BAZ1B: variants seen among roughly 807,000 people sequenced by gnomAD.
BAZ1B encodes bromodomain adjacent to zinc finger domain 1B.
BAZ1B carries 22 observed loss-of-function variants against 153.8 expected under a neutral mutation model. The ratio of observed to expected loss-of-function variants is 0.14; its 90% CI spans 0.10 to 0.20. BAZ1B has a LOEUF of 0.20. BAZ1B is among the 10% of genes least tolerant of loss of function. The probability of loss-of-function intolerance (pLI) is 1.00; values close to 1 mark genes in which losing one functional copy is unlikely to be tolerated. For missense variants in BAZ1B, 1,325 were observed against 1,799.3 expected (o/e 0.74, Z 4.77); for synonymous variants, 676 against 633.4 (o/e 1.07, Z -1.01).
At chr7:73,519,859 T>C (rs184269378) in intron 1 of BAZ1B, among the ~76,000 whole-genome samples, 83 of 152,202 alleles carry the variant, frequency 5.5e-4, no homozygotes, top group Admixed American at 2.6e-3. Flanking sequence ...ATTGGAAAAG[T>C]ATATGTCGGA....
chr7:73,452,974 A>G (rs1310286296), intron 13 of BAZ1B, among the ~76,000 whole-genome samples: 1 of 152,228 alleles, frequency 6.6e-6, no homozygotes, highest in African/African-American at 2.4e-5. Context: ...TTAATTCAAT[A>G]AAACAAAATA....
At chr7:73,446,497 T>C (rs1198273813) in intron 16 of BAZ1B, among the ~76,000 whole-genome samples, 1 of 138,738 alleles carries the variant, frequency 7.2e-6, no homozygotes, top group African/African-American at 2.8e-5. Context: ...ACTGAGGTAA[T>C]CTGAGGTCAT....
At chr7:73,487,637 T>C (rs1033857155) in intron 6 of BAZ1B, among the ~76,000 whole-genome samples, 5 of 152,254 alleles carry the variant, frequency 3.3e-5, no homozygotes, top group African/African-American at 9.6e-5. Context: ...GATGGTTTCA[T>C]GGAGTTCTCA....
intron 4 of BAZ1B, 68 bp from the exon 5 acceptor site, chr7:73,492,989 A>T: frequency 1.3e-6 from 2 of 1,489,092 alleles, no homozygotes; most frequent in Non-Finnish European, 1.8e-6. Context: ...TTCATTAACA[A>T]GTCTTAACTG....
intron 3 of BAZ1B, among the ~76,000 whole-genome samples, chr7:73,506,579 C>T (rs73134961): frequency 0.049 from 7,392 of 151,426 alleles, 208 homozygotes; most frequent in Non-Finnish European, 0.066. Context: ...TGAGGCCGGG[C>T]GCAGTGACTC....
intron 1 of BAZ1B, among the ~76,000 whole-genome samples, chr7:73,516,172 C>G (rs185471830): frequency 1.5e-4 from 22 of 142,682 alleles, no homozygotes; most frequent in Admixed American, 9.5e-4. Context: ...ATGTGGTTTT[C>G]TTTTTTATTA....
chr7:73,443,056 AAGC>A (rs1485773591), intron 17 of BAZ1B, among the ~76,000 whole-genome samples: 6 of 152,180 alleles, frequency 3.9e-5, no homozygotes, highest in African/African-American at 1.4e-4. Context: ...ACGGCAATCA[AAGC>A]AGCAAAGAGC....
intron 6 of BAZ1B, among the ~76,000 whole-genome samples, chr7:73,480,984 T>C (rs1232470742): frequency 1.3e-5 from 2 of 152,144 alleles, no homozygotes; most frequent in South Asian, 2.1e-4. Context: ...CGGAGTGCAG[T>C]AGCGCAATCC....
At chr7:73,481,302 C>A (rs1017355598) in intron 6 of BAZ1B, among the ~76,000 whole-genome samples, 1 of 151,792 alleles carries the variant, frequency 6.6e-6, no homozygotes, top group South Asian at 2.1e-4. Flanking sequence ...CCGAGGCAGG[C>A]GGATCATGAG....
chr7:73,476,825 T>C, intron 7 of BAZ1B, 43 bp downstream of exon 7: 1 of 1,545,010 alleles, frequency 6.5e-7, no homozygotes, highest in Non-Finnish European at 8.7e-7. Context: ...TCTTTTACTA[T>C]CTTCTACAGA....
At position 73,449,586 on chromosome 7, in the gene BAZ1B, G is replaced by A. The variant is rs782661604; in HGVS notation, c.3684C>T (p.Cys1228=). 46 of 1,613,978 alleles carry A rather than the reference G, an allele frequency of 2.9e-5. No homozygotes were observed. Among genetic ancestry groups the A allele is most frequent in the South Asian group, 1.3e-4 (12 of 91,084 alleles). ...TGGCAGTAGCGGGCTGGCAAGCTGG[G>A]CACTGCCACTCACCATCTGGTACTT... ...LYEVPDGEWQ[C]PACQPATARR... is the part of the protein sequence containing the mutation. The change falls in exon 15 of 20, where the codon TGC becomes TGT. Residue 1228 remains cysteine, a synonymous_variant. Transcript: ENST00000339594.
chr7:73,470,487 TTAAAAA>T lies in BAZ1B; in HGVS notation c.2594-10_2594-5del, dbSNP rs781935320. ...TCAGCTTGGCGTTCCAGTTTCACTG[TTAAAAA>T]TAAAAAGACTCAAATCAGATATTTT... On this transcript the variant is annotated splice_region_variant and splice_polypyrimidine_tract_variant and intron_variant, in intron 7 of 19. Transcript: ENST00000339594. 1.3e-5 allele frequency: 21 copies of T among 1,609,900 alleles called. No individual in the cohort carries two copies. Among genetic ancestry groups the T allele is most frequent in the Admixed American group, 1.0e-4 (6 of 58,288 alleles).
At chr7:73,519,713 T>C (rs1197149317) in intron 1 of BAZ1B, among the ~76,000 whole-genome samples, 3 of 152,214 alleles carry the variant, frequency 2.0e-5, no homozygotes, top group African/African-American at 4.8e-5. Context: ...ATTTTTTACA[T>C]AGCTCAGTAC....
Position 73,444,060 on chromosome 7 carries a change from G to C in BAZ1B, c.3914C>G (p.Pro1305Arg). The C allele has an allele frequency of 6.2e-7, 1 of 1,613,646 alleles. No individual in the cohort carries two copies. The highest frequency in any genetic ancestry group is 8.5e-7 in the Non-Finnish European group (1 of 1,179,812). ...IPPAARSGRR[P>R]GKKPHSTRRS... is the part of the protein sequence containing the mutation. ...CCTGGTAGAGTGTGGCTTCTTACCC[G>C]GGCGCCGGCCTGACCTTGCTGCAGG... is the stretch of plus-strand genomic sequence containing the variant. The change falls in exon 17 of 20, where the codon CCG becomes CGG. Residue 1305 changes from proline to arginine, a missense_variant. This residue lies in a region of BAZ1B where 271 missense variants were observed against 337.2 expected (regional missense o/e 0.80). Transcript: ENST00000339594.
intron 13 of BAZ1B, among the ~76,000 whole-genome samples, chr7:73,456,771 G>A (rs868943690): frequency 8.6e-5 from 13 of 151,376 alleles, no homozygotes; most frequent in Non-Finnish European, 1.3e-4. Flanking sequence ...GTGAAACCAC[G>A]TCTCTACTAA....
At chr7:73,515,965 T>C (rs782796917) in intron 1 of BAZ1B, among the ~76,000 whole-genome samples, 2 of 152,016 alleles carry the variant, frequency 1.3e-5, no homozygotes, top group Non-Finnish European at 2.9e-5. Context: ...GCCAACACGG[T>C]GAAACCCCGT....
intron 6 of BAZ1B, among the ~76,000 whole-genome samples, 199 bp from the exon 7 acceptor site, chr7:73,478,768 T>C (rs1170978816): frequency 2.6e-5 from 4 of 152,226 alleles, no homozygotes; most frequent in African/African-American, 4.8e-5. Context: ...CAAAATTCCC[T>C]TGACATCCAG....
chr7:73,457,257 A>G (rs184918887), intron 13 of BAZ1B, among the ~76,000 whole-genome samples: 197 of 152,136 alleles, frequency 1.3e-3, no homozygotes, highest in African/African-American at 4.5e-3. Flanking sequence ...TGCTCACTGT[A>G]GCATCAGCCT....
At chr7:73,468,284 G>A (rs1318641390) in intron 9 of BAZ1B, among the ~76,000 whole-genome samples, 1 of 152,106 alleles carries the variant, frequency 6.6e-6, no homozygotes, top group African/African-American at 2.4e-5. Flanking sequence ...CATGTATCTG[G>A]CAGGATTTAG....
Sources: gnomAD v4.1 joint callset for allele counts (sites outside exome capture counted in the v4.1 genomes callset) on GRCh38, gnomAD v4.1.1 for gene constraint, gnomAD v4.1.1 regional missense constraint, MANE v1.5 for transcripts, NCBI Gene and HGNC (gene_info 2026-07-23, HGNC 2026-07-21) for gene names.